AGL: variants seen among roughly 807,000 people sequenced by gnomAD.
AGL encodes glycogen debranching enzyme.
A neutral mutation model predicts 199.3 loss-of-function variants in AGL; 128 were observed. The ratio of observed to expected loss-of-function variants is 0.64; its 90% CI spans 0.56 to 0.74. The LOEUF (loss-of-function observed/expected upper bound fraction) is 0.74. Ranked by LOEUF, AGL falls within the 30% of genes least tolerant of loss-of-function variation. AGL has a pLI of 0.00. For missense variants in AGL, 1,809 were observed against 1,820.8 expected (o/e 0.99, Z 0.12); for synonymous variants, 584 against 594.7 (o/e 0.98, Z 0.26).
upstream of AGL, among the ~76,000 whole-genome samples, chr1:99,849,621 A>G (rs1410132478): frequency 6.6e-6 from 1 of 152,212 alleles, no homozygotes; most frequent in South Asian, 2.1e-4. Flanking sequence ...ATTCAGGAAC[A>G]TGTGTCCTGT....
intron 27 of AGL, among the ~76,000 whole-genome samples, chr1:99,907,671 T>G (rs1451569187): frequency 6.8e-6 from 1 of 146,592 alleles, no homozygotes; most frequent in Non-Finnish European, 1.5e-5. Context: ...TTTTTGTTTT[T>G]GTTCGTTTGT....
Position 99,912,389 on chromosome 1 carries a change from CG to C in AGL, c.3837-15del. On this transcript the variant is annotated splice_polypyrimidine_tract_variant and intron_variant, in intron 28 of 33. Transcript: ENST00000361915. ...GACGCCAACTTAAAGAATAAAAATA[CG>C]TTTTTTAATTTTAGAGATGGGTCTG... The C allele has an allele frequency of 6.2e-7, 1 of 1,603,218 alleles. No homozygotes were observed.
intron 5 of AGL, among the ~76,000 whole-genome samples, chr1:99,865,432 T>G (rs1650427066): frequency 6.6e-6 from 1 of 152,240 alleles, no homozygotes; most frequent in East Asian, 1.9e-4. Flanking sequence ...TTAAAAGAGC[T>G]TATTAAATTT....
Position 99,891,369 on chromosome 1 carries a change from A to T in AGL, c.2949+13A>T, listed in dbSNP as rs1320669982. On this transcript the variant is annotated intron_variant, in intron 22 of 33. Coordinates refer to ENST00000361915, the MANE Select transcript of AGL (RefSeq NM_000642.3). ...AACTATTGCTGAAGTAAGTAGAGCT[A>T]TATTATCGTCCCAAAAAATCAAGGA... 6.2e-7 allele frequency: 1 copy of T among 1,613,188 alleles called. No individual in the cohort carries two copies. Among genetic ancestry groups the T allele is most frequent in the Non-Finnish European group, 8.5e-7 (1 of 1,179,582 alleles).
intron 2 of AGL, among the ~76,000 whole-genome samples, chr1:99,855,802 A>G (rs1297904861): frequency 6.7e-6 from 1 of 149,272 alleles, no homozygotes; most frequent in East Asian, 1.9e-4. Context: ...CTCGGTCTCA[A>G]AAAAAAAAAA....
chr1:99,869,035 A>G (rs1650768818), intron 5 of AGL, among the ~76,000 whole-genome samples: 1 of 152,114 alleles, frequency 6.6e-6, no homozygotes, highest in South Asian at 2.1e-4. Flanking sequence ...TATGTTGCCC[A>G]GGCTGTCTCC....
rs564096857 is a variant in AGL at position 99,919,865 on chromosome 1, A to G, written c.4482-1669A>G. On this transcript the variant is annotated intron_variant, in intron 33 of 33. Coordinates refer to ENST00000361915, the MANE Select transcript of AGL (RefSeq NM_000642.3). The stretch of plus-strand genomic sequence containing the variant: ...GGCACCACTTGGATTCTAACTACCC[A>G]CTCTGGACCACTCTCACCCTTGGTG... Among the ~76,000 whole-genome samples the G allele has an allele frequency of 4.0e-5, 6 of 151,616 alleles. No homozygotes were observed. In the South Asian group the frequency reaches 1.0e-3, roughly 26 times the overall value.
In AGL at chr1:99,856,310, C is replaced by T. The variant is rs200691508; in HGVS notation, c.82+5186C>T. Among the ~76,000 whole-genome samples, 40 of 15,022 alleles carry T rather than the reference C, an allele frequency of 2.7e-3. 1 individual carries two copies. The highest frequency in any genetic ancestry group is 0.022 in the Admixed American group (25 of 1,132). 9.9% of individuals were successfully genotyped at this position (15,022 alleles called of 152,430 possible). A position where few individuals can be genotyped will look rare whatever the true frequency, so the allele number is the denominator to read the frequency against. On this transcript the variant is annotated intron_variant, in intron 2 of 33. Transcript: ENST00000361915. ...ATATAACATCCCTTCCTTCCTTCCT[C>T]CCTCCCTCCCTTCCTTCCTCCCTCC... is the stretch of plus-strand genomic sequence containing the variant.
chr1:99,870,420 C>T lies in AGL; in HGVS notation c.685C>T (p.Gln229Ter), dbSNP rs971749992. The T allele has an allele frequency of 6.2e-7, 1 of 1,613,768 alleles. No individual in the cohort carries two copies. Among genetic ancestry groups the T allele is most frequent in the African/African-American group, 1.3e-5 (1 of 74,870 alleles). ...TTCAGCTGCTAATAGTAAATGGATC[C>T]AGGAACATCCAGAATGTGCCTATAA... ...NHTAANSKWIQEHPECAYNLV... is the reference protein window; with the variant it reads ...NHTAANSKWI Residue 229 changes from glutamine (Q) to a stop codon, truncating the protein, a stop_gained, in exon 6 of 34, where the codon CAG becomes TAG. Transcript: ENST00000361915. LOFTEE classifies it high-confidence loss of function.
Position 99,892,644 on chromosome 1 carries a change from G to A in AGL, c.3259+37G>A, listed in dbSNP as rs594249. ...TGTACAAGGTTAAAATATGTAAATC[G>A]ATAGTATTCGCGGAAGAAAAGTTAT... On this transcript the variant is annotated intron_variant, in intron 24 of 33. Transcript: ENST00000361915. 1,098,925 of 1,589,346 alleles carry A rather than the reference G, an allele frequency of 0.69. 381,295 individuals carry two copies. Among genetic ancestry groups the A allele is most frequent in the South Asian group, 0.73 (66,476 of 90,450 alleles).
chr1:99,902,689 C>T lies in AGL; in HGVS notation c.3595C>T (p.Pro1199Ser), dbSNP rs1653936107. The T allele has an allele frequency of 6.2e-7, 1 of 1,610,490 alleles. No homozygotes were observed. ...APLPAGTLDQ[P>S]LFEVIQEAMQ... ...CCCATTATGTCTCAAACAGGATCAG[C>T]CATTGTTTGAAGTCATACAGGAAGC... The change falls in exon 27 of 34, where the codon CCA becomes TCA. Residue 1199 changes from proline (P) to serine (S), a missense_variant. Transcript: ENST00000361915.
chr1:99,852,142 G>C (rs1649003845), intron 2 of AGL, among the ~76,000 whole-genome samples: 1 of 151,474 alleles, frequency 6.6e-6, no homozygotes, highest in African/African-American at 2.4e-5. Flanking sequence ...TTCTTTTTCT[G>C]TTCTCCTTCA....
intron 33 of AGL, among the ~76,000 whole-genome samples, chr1:99,918,524 A>C (rs1557795975): frequency 2.6e-5 from 4 of 151,990 alleles, no homozygotes; most frequent in African/African-American, 9.7e-5. Flanking sequence ...GGGTCTTGCT[A>C]TCTTGCCCAG....
In AGL at chr1:99,880,160, C is replaced by G. The variant is rs1054861587; in HGVS notation, c.1735+114C>G. On this transcript the variant is annotated intron_variant, in intron 13 of 33. Transcript: ENST00000361915. ...ATAATTTTTTAACACAGTTAATGTT[C>G]TTCTAAATACTTTGTATGACATATT... 5.6e-6 allele frequency: 8 copies of G among 1,422,430 alleles called. No homozygotes were observed. In the African/African-American group the frequency reaches 1.1e-4, roughly 20 times the overall value. The allele number at this position is 1,422,430 out of a possible 1,614,324, so 88.1% of individuals were successfully genotyped here.
chr1:99,858,476 T>C (rs1649762280), intron 2 of AGL, among the ~76,000 whole-genome samples: 1 of 152,180 alleles, frequency 6.6e-6, no homozygotes, highest in Admixed American at 6.5e-5. Flanking sequence ...CAACTCCCAT[T>C]GTAGCAGGAA....
chr1:99,899,516 CTCTCTCTCTCTCTT>C (rs1175756949), intron 25 of AGL, among the ~76,000 whole-genome samples: 78 of 102,086 alleles, frequency 7.6e-4, no homozygotes, highest in Middle Eastern at 9.3e-3. Context: ...TTCTTTCTCT[CTCTCTCTCTCTCTT>C]TCTCTCTCTC....
intron 24 of AGL, among the ~76,000 whole-genome samples, chr1:99,893,963 G>A (rs368517255): frequency 2.0e-5 from 3 of 152,016 alleles, no homozygotes; most frequent in Admixed American, 6.6e-5. Flanking sequence ...CAGGAGGATC[G>A]TTTGGGGCAG....
intron 27 of AGL, among the ~76,000 whole-genome samples, chr1:99,904,418 T>G (rs1354432784): frequency 6.6e-6 from 1 of 152,222 alleles, no homozygotes; most frequent in African/African-American, 2.4e-5. Flanking sequence ...CAGTACAGCA[T>G]CAGAGTCAGG....
chr1:99,891,872 T>A, intron 23 of AGL, 133 bp downstream of exon 23: 1 of 1,002,384 alleles, frequency 1.0e-6, no homozygotes, highest in Non-Finnish European at 1.6e-6. Flanking sequence ...AGGTGGATAG[T>A]AAATTTATTA....
Sources: gnomAD v4.1 joint callset for allele counts (sites outside exome capture counted in the v4.1 genomes callset) on GRCh38, gnomAD v4.1.1 for gene constraint, MANE v1.5 for transcripts, NCBI Gene and HGNC (gene_info 2026-07-23, HGNC 2026-07-21) for gene names.